ZFHX3: variants seen among roughly 807,000 people sequenced by gnomAD.
ZFHX3 encodes zinc finger homeobox protein 3.
A neutral mutation model predicts 279.1 loss-of-function variants in ZFHX3; 42 were observed. That is an observed-to-expected ratio of 0.15 (90% CI 0.12 to 0.19). ZFHX3 has a LOEUF of 0.19. Ranked by LOEUF, ZFHX3 falls within the 10% of genes least tolerant of loss-of-function variation. ZFHX3 has a pLI of 1.00. For synonymous variants in ZFHX3, 2,293 were observed against 1,957.8 expected, an observed-to-expected ratio of 1.17 and a Z score of -4.52; for missense variants, 4,981 against 4,754.0, an observed-to-expected ratio of 1.05 and a Z score of -1.40.
At chr16:73,106,599 A>G (rs1966308042) in intron 7 of ZFHX3, among the ~76,000 whole-genome samples, 1 of 152,190 alleles carries the variant, frequency 6.6e-6, no homozygotes, top group Non-Finnish European at 1.5e-5. Flanking sequence ...TTCATGCAAG[A>G]TGCAAAATCT....
chr16:73,122,626 T>A (rs372749014), intron 7 of ZFHX3, among the ~76,000 whole-genome samples: 5 of 152,154 alleles, frequency 3.3e-5, no homozygotes, highest in Non-Finnish European at 7.4e-5. Context: ...CATCAGGGGA[T>A]TCCCTGTAGA....
chr16:73,003,162 G>A (rs928609166), intron 1 of ZFHX3, among the ~76,000 whole-genome samples: 1 of 152,058 alleles, frequency 6.6e-6, no homozygotes, highest in Non-Finnish European at 1.5e-5. Context: ...TTTTCAGATA[G>A]TTTCCATTTT....
At chr16:73,227,768 G>A (rs1214196961) in intron 5 of ZFHX3, among the ~76,000 whole-genome samples, 1 of 135,100 alleles carries the variant, frequency 7.4e-6, no homozygotes, top group Non-Finnish European at 1.5e-5. Flanking sequence ...ATAATCATTT[G>A]AACCAGGGAG....
chr16:73,460,564 T>C (rs992187113), intron 2 of ZFHX3, among the ~76,000 whole-genome samples: 11 of 152,218 alleles, frequency 7.2e-5, no homozygotes, highest in African/African-American at 2.7e-4. Context: ...AATTGTTTTC[T>C]AAAGTAGCTG....
chr16:73,318,083 C>A (rs544075579), intron 4 of ZFHX3, among the ~76,000 whole-genome samples: 1 of 152,304 alleles, frequency 6.6e-6, no homozygotes, highest in South Asian at 2.1e-4. Context: ...CTGGTCCTTG[C>A]CAGGTAGACT....
chr16:73,769,031 C>T (rs989609484), intron 1 of ZFHX3, among the ~76,000 whole-genome samples: 4 of 152,084 alleles, frequency 2.6e-5, no homozygotes, highest in Admixed American at 2.6e-4. Context: ...GGGGCATGTA[C>T]TTAAAAAATG....
At chr16:73,253,773 A>C (rs2013582523) in intron 5 of ZFHX3, among the ~76,000 whole-genome samples, 1 of 152,076 alleles carries the variant, frequency 6.6e-6, no homozygotes, top group Non-Finnish European at 1.5e-5. Context: ...GATTTTCTTT[A>C]TAATGCACTG....
intron 3 of ZFHX3, among the ~76,000 whole-genome samples, chr16:72,946,244 AG>A (rs1252316699): frequency 1.3e-5 from 2 of 152,186 alleles, no homozygotes; most frequent in Non-Finnish European, 2.9e-5. Context: ...CAGGCCAAGC[AG>A]AGTTGGCTTG....
rs1355968130 is a variant in ZFHX3, at chr16:73,165,387, A to G, written c.-1103-21556T>C. Reference sequence around the variant, plus strand: ...CAAGCCTCTGGGTTCTTAACATACCACACTTTGCCCCACTTCAATCAGCTG... The same window carrying G: ...CAAGCCTCTGGGTTCTTAACATACCGCACTTTGCCCCACTTCAATCAGCTG... On this transcript the variant is annotated intron_variant, in intron 5 of 17. Transcript: ENST00000641206. Among the ~76,000 whole-genome samples, 12 of 152,144 alleles carry G rather than the reference A, an allele frequency of 7.9e-5. No individual in the cohort carries two copies. The East Asian group carries it at 2.3e-3, about 29-fold the overall frequency.
At chr16:72,995,336 G>A (rs912956193) in intron 1 of ZFHX3, among the ~76,000 whole-genome samples, 3 of 152,108 alleles carry the variant, frequency 2.0e-5, no homozygotes, top group East Asian at 3.9e-4. Flanking sequence ...AGGACGGAAC[G>A]GGAACTGCAG....
At chr16:73,384,683 G>A (rs1164740303) in intron 3 of ZFHX3, among the ~76,000 whole-genome samples, 2 of 152,272 alleles carry the variant, frequency 1.3e-5, no homozygotes, top group East Asian at 1.9e-4. Flanking sequence ...AGCATACACA[G>A]CATACACCAA....
At chr16:73,157,211 A>G (rs144884457) in intron 5 of ZFHX3, among the ~76,000 whole-genome samples, 2 of 152,190 alleles carry the variant, frequency 1.3e-5, no homozygotes, top group East Asian at 1.9e-4. Flanking sequence ...TACCCAGCAG[A>G]TGGTACAGAG....
At chr16:73,406,844 T>C (rs2017369632) in intron 3 of ZFHX3, among the ~76,000 whole-genome samples, 1 of 152,204 alleles carries the variant, frequency 6.6e-6, no homozygotes, top group South Asian at 2.1e-4. Flanking sequence ...TATTTTCTTT[T>C]TGCAGCCTTA....
intron 2 of ZFHX3, among the ~76,000 whole-genome samples, chr16:73,515,576 AAG>A (rs1348006575): frequency 2.6e-5 from 4 of 151,682 alleles, no homozygotes; most frequent in East Asian, 1.9e-4. Flanking sequence ...GAAAGAAAGA[AAG>A]AGGGAGAGAG....
intron 4 of ZFHX3, among the ~76,000 whole-genome samples, chr16:73,265,078 CGTGTGTGTGTGTGT>C (rs72075949): frequency 3.4e-5 from 5 of 145,928 alleles, no homozygotes; most frequent in Admixed American, 1.4e-4. Flanking sequence ...CGCATATATG[CGTGTGTGTGTGTGT>C]GTGTGTGTGT....
At chr16:72,896,923 T>C (rs894155842) in intron 3 of ZFHX3, among the ~76,000 whole-genome samples, 1 of 152,308 alleles carries the variant, frequency 6.6e-6, no homozygotes, top group Admixed American at 6.5e-5. Flanking sequence ...GTACCACCTG[T>C]TACTACAGAC....
chr16:73,356,380 T>A (rs2016341039), intron 3 of ZFHX3, among the ~76,000 whole-genome samples: 1 of 151,468 alleles, frequency 6.6e-6, no homozygotes, highest in African/African-American at 2.4e-5. Context: ...CATAATTTTA[T>A]CAGAAAAACC....
intron 5 of ZFHX3, among the ~76,000 whole-genome samples, chr16:73,222,054 C>T (rs2012439064): frequency 6.6e-6 from 1 of 151,884 alleles, no homozygotes; most frequent in African/African-American, 2.4e-5. Flanking sequence ...CTTTTTTTCA[C>T]ATCTCTGATT....
intron 3 of ZFHX3, among the ~76,000 whole-genome samples, chr16:73,408,065 G>T (rs531454703): frequency 6.6e-6 from 1 of 151,282 alleles, no homozygotes; most frequent in African/African-American, 2.4e-5. Context: ...GTGGATGGGG[G>T]TGGGTGGGGG....
Sources: gnomAD v4.1 joint callset for allele counts (sites outside exome capture counted in the v4.1 genomes callset) on GRCh38, gnomAD v4.1.1 for gene constraint, MANE v1.5 for transcripts, NCBI Gene and HGNC (gene_info 2026-07-23, HGNC 2026-07-21) for gene names.